Variants in CDH12 observed in about 807,000 individuals in gnomAD.
The protein encoded by CDH12 is cadherin-12.
In CDH12, 41 loss-of-function variants were observed where a neutral mutation model predicts 74.1. That is an observed-to-expected ratio of 0.55 (90% CI 0.43 to 0.72). CDH12 has a LOEUF of 0.72. CDH12 is among the 30% of genes least tolerant of loss of function. The pLI is 0.00. For synonymous variants in CDH12, 399 were observed against 355.0 expected (o/e 1.12, Z -1.39); for missense variants, 945 against 977.2 (o/e 0.97, Z 0.44).
intron 1 of CDH12, among the ~76,000 whole-genome samples, chr5:22,713,642 A>G (rs1743412514): frequency 2.0e-5 from 3 of 152,086 alleles, no homozygotes; most frequent in Admixed American, 1.3e-4. Context: ...TTGTGGCATA[A>G]TAGATATGTA....
intron 8 of CDH12, among the ~76,000 whole-genome samples, chr5:21,826,346 T>C (rs1748669379): frequency 6.6e-6 from 1 of 152,196 alleles, no homozygotes; most frequent in Admixed American, 6.5e-5. Context: ...GCAAGTAGTA[T>C]TTCCACCTCT....
intron 8 of CDH12, among the ~76,000 whole-genome samples, chr5:21,832,238 C>A (rs894009198): frequency 3.9e-5 from 6 of 152,010 alleles, no homozygotes; most frequent in Non-Finnish European, 7.4e-5. Context: ...ACATGGTGAA[C>A]AGAACTAAGT....
Position 22,553,589 on chromosome 5 carries a change from A to G in CDH12, c.-522-48225T>C, listed in dbSNP as rs542322861. On this transcript the variant is annotated intron_variant, in intron 1 of 14. Coordinates refer to ENST00000382254, the MANE Select transcript of CDH12 (RefSeq NM_004061.5). ...CAAATGTGTACAAGATCTATATGAA[A>G]AAAAACTAAACAACGCTGGTGAAAG... 2.0e-5 allele frequency among the ~76,000 whole-genome samples: 3 copies of G among 152,330 alleles called. No homozygotes were observed. The South Asian group carries it at 6.2e-4, about 32-fold the overall frequency.
At position 21,903,373 on chromosome 5, in the gene CDH12, C is replaced by T. The variant is rs552801961; in HGVS notation, c.527-48583G>A. Reference sequence around the variant, plus strand: ...AGAGATTGTAAGTACGTTTGAAAAACGTACGTAAGAAGCATGCAAATAGAT... The same window carrying T: ...AGAGATTGTAAGTACGTTTGAAAAATGTACGTAAGAAGCATGCAAATAGAT... On this transcript the variant is annotated intron_variant, in intron 6 of 14. Coordinates refer to ENST00000382254, the MANE Select transcript of CDH12 (RefSeq NM_004061.5). Among the ~76,000 whole-genome samples, 174 of 152,182 alleles carry T rather than the reference C, an allele frequency of 1.1e-3. 1 individual carries two copies. The highest frequency in any genetic ancestry group is 4.0e-3 in the African/African-American group (167 of 41,534).
chr5:21,932,639 G>A (rs1026801784), intron 6 of CDH12, among the ~76,000 whole-genome samples: 10 of 151,970 alleles, frequency 6.6e-5, no homozygotes, highest in South Asian at 2.1e-4. Context: ...GCTGGCGCAC[G>A]CCTGTAATCC....
intron 11 of CDH12, among the ~76,000 whole-genome samples, chr5:21,775,154 T>C (rs1203445708): frequency 6.6e-6 from 1 of 152,212 alleles, no homozygotes; most frequent in Non-Finnish European, 1.5e-5. Context: ...TCAAAGCGAA[T>C]AGAACTATTA....
chr5:21,774,732 C>T (rs139947499), intron 11 of CDH12, among the ~76,000 whole-genome samples: 1 of 152,112 alleles, frequency 6.6e-6, no homozygotes, highest in Non-Finnish European at 1.5e-5. Flanking sequence ...TCATGTAAAA[C>T]AAGGCATTTA....
chr5:21,929,401 C>T (rs1754735356), intron 6 of CDH12, among the ~76,000 whole-genome samples: 1 of 151,592 alleles, frequency 6.6e-6, no homozygotes, highest in Non-Finnish European at 1.5e-5. Flanking sequence ...GACAGATCAT[C>T]AGGCATTAGA....
At chr5:22,499,070 ATTT>A (rs545083272) in intron 2 of CDH12, among the ~76,000 whole-genome samples, 2 of 140,598 alleles carry the variant, frequency 1.4e-5, no homozygotes, top group Admixed American at 7.1e-5. Context: ...TACCCGGCTA[ATTT>A]TTTTTTTTTT....
In CDH12 at chr5:21,801,697, T is replaced by TA. The variant is rs1394103877; in HGVS notation, c.1256+469dup. 5.9e-5 allele frequency among the ~76,000 whole-genome samples: 9 copies of TA among 152,190 alleles called. No individual in the cohort carries two copies. The East Asian group carries it at 1.7e-3, about 29-fold the overall frequency. ...CCTCAACAACAGTAGACAAGTTTGT[T>TA]ACACTGGAAAAAATGACATGCAAAT... On this transcript the variant is annotated intron_variant, in intron 10 of 14. Coordinates refer to ENST00000382254, the MANE Select transcript of CDH12 (RefSeq NM_004061.5).
At chr5:21,990,731 A>T (rs1757707878) in intron 5 of CDH12, among the ~76,000 whole-genome samples, 1 of 151,526 alleles carries the variant, frequency 6.6e-6, no homozygotes, top group Non-Finnish European at 1.5e-5. Flanking sequence ...TCAGAAAAAC[A>T]CTATGATTAC....
rs973927109 is a variant in CDH12, at chr5:21,854,587, T to C, written c.646+84A>G. 11 of 1,116,784 alleles carry C rather than the reference T, an allele frequency of 9.8e-6. No homozygotes were observed. In the African/African-American group the frequency reaches 1.7e-4, roughly 18 times the overall value. 69.2% of individuals were successfully genotyped at this position (1,116,784 alleles called of 1,614,324 possible). A position where few individuals can be genotyped will look rare whatever the true frequency, so the allele number is the denominator to read the frequency against. The stretch of plus-strand genomic sequence containing the variant: ...CTGAAGCTTTATGGCTATATTAGAA[T>C]ATGCAACTCCCCATGCCAAGATTTA... On this transcript the variant is annotated intron_variant, in intron 7 of 14. Transcript: ENST00000382254.
chr5:21,935,632 A>G (rs1755042529), intron 6 of CDH12, among the ~76,000 whole-genome samples: 1 of 152,208 alleles, frequency 6.6e-6, no homozygotes, highest in Non-Finnish European at 1.5e-5. Context: ...AAAATGTACA[A>G]TTAAATTATT....
chr5:22,085,194 C>T (rs1453311097), intron 4 of CDH12, among the ~76,000 whole-genome samples: 2 of 151,686 alleles, frequency 1.3e-5, no homozygotes. Context: ...TTTAAATGGT[C>T]ATATATCAAA....
intron 4 of CDH12, among the ~76,000 whole-genome samples, chr5:22,132,811 G>C (rs1031686602): frequency 1.3e-4 from 20 of 152,082 alleles, no homozygotes; most frequent in African/African-American, 4.6e-4. Context: ...CATCCACCTT[G>C]TCTATGCAAC....
chr5:22,159,660 A>G (rs1299240885), intron 4 of CDH12, among the ~76,000 whole-genome samples: 1 of 152,154 alleles, frequency 6.6e-6, no homozygotes, highest in Non-Finnish European at 1.5e-5. Flanking sequence ...AATAACTACC[A>G]CAGCAAAAAC....
intron 4 of CDH12, among the ~76,000 whole-genome samples, chr5:22,104,918 A>G (rs1337903171): frequency 3.9e-5 from 6 of 152,136 alleles, no homozygotes; most frequent in Admixed American, 3.9e-4. Context: ...TTCTGGTGAA[A>G]TTAAGGTGTT....
intron 4 of CDH12, among the ~76,000 whole-genome samples, chr5:22,082,101 C>A (rs778408010): frequency 2.3e-4 from 35 of 152,126 alleles, no homozygotes; most frequent in Non-Finnish European, 4.6e-4. Flanking sequence ...TCCATCTTAA[C>A]TAAGCCCATA....
At chr5:22,191,352 T>C (rs1367041574) in intron 4 of CDH12, among the ~76,000 whole-genome samples, 1 of 152,116 alleles carries the variant, frequency 6.6e-6, no homozygotes, top group Admixed American at 6.5e-5. Context: ...ATGAGCTTTT[T>C]TGTTAATCAT....
Sources: gnomAD v4.1 joint callset for allele counts (sites outside exome capture counted in the v4.1 genomes callset) on GRCh38, gnomAD v4.1.1 for gene constraint, MANE v1.5 for transcripts, NCBI Gene and HGNC (gene_info 2026-07-23, HGNC 2026-07-21) for gene names.